Variants in SLC35E1 observed in about 807,000 individuals in gnomAD.
SLC35E1 encodes the protein solute carrier family 35, member E1.
A neutral mutation model predicts 31.0 loss-of-function variants in SLC35E1; 12 were observed. That is an observed-to-expected ratio of 0.39 (90% CI 0.25 to 0.63). The LOEUF (loss-of-function observed/expected upper bound fraction) is 0.63, where lower values mean the gene tolerates loss of function less well. Ranked by LOEUF, SLC35E1 falls within the 20% of genes least tolerant of loss-of-function variation. The pLI is 0.52. For missense variants in SLC35E1, 429 were observed against 572.2 expected, an observed-to-expected ratio of 0.75 and a Z score of 2.55; for synonymous variants, 257 against 264.1, an observed-to-expected ratio of 0.97 and a Z score of 0.26.
intron 4 of SLC35E1, among the ~76,000 whole-genome samples, chr19:16,560,429 A>C (rs147895677): frequency 1.2e-3 from 183 of 152,260 alleles, no homozygotes; most frequent in African/African-American, 4.2e-3. Context: ...TCTGAGGACT[A>C]TATGTCCTCA....
At chr19:16,566,302 A>T in intron 4 of SLC35E1, 1 of 527,498 alleles carries the variant, frequency 1.9e-6, no homozygotes, top group Non-Finnish European at 3.3e-6. Flanking sequence ...CACAGCAGCT[A>T]TCAGCACCTG....
chr19:16,566,247 G>A (rs1224682146), intron 4 of SLC35E1: 2 of 385,384 alleles, frequency 5.2e-6, no homozygotes, highest in African/African-American at 4.1e-5. Context: ...ATACTGTCAG[G>A]AGGTGAAAGA....
At chr19:16,571,905 G>A (rs1279839374) in intron 1 of SLC35E1, 39 bp downstream of exon 1, 1 of 1,523,886 alleles carries the variant, frequency 6.6e-7, no homozygotes, top group Non-Finnish European at 8.8e-7. Flanking sequence ...CGAAGCGGCG[G>A]GCCCGGCCGC....
At position 16,572,403 on chromosome 19, in the gene SLC35E1, C is replaced by T. The variant is rs958613442; in HGVS notation, c.-39G>A. ...CCGCCCCTTCCAGCCCGTCCGACGG[C>T]CCGACGCCGGGCGGGGGCGGGGCTG... On this transcript the variant is annotated 5_prime_UTR_variant, in exon 1 of 6. Transcript: ENST00000595753. The surrounding 1 kb of genome is among the most constrained non-coding windows in gnomAD (Gnocchi z 4.1). 1.9e-3 allele frequency: 1,884 copies of T among 988,680 alleles called. 3 individuals carry two copies. Among genetic ancestry groups the T allele is most frequent in the Non-Finnish European group, 2.1e-3 (1,771 of 831,758 alleles). 61.2% of individuals were successfully genotyped at this position (988,680 alleles called of 1,614,324 possible).
rs1599761377 is a variant in SLC35E1, at chr19:16,553,476, T to C, written c.*203A>G. ...TGAGACACTGGTCTCTGTTTAGGTT[T>C]GCCCAGAGCTCACGGCCGTCTGCAC... On this transcript the variant is annotated 3_prime_UTR_variant, in exon 6 of 6. Transcript: ENST00000595753. The C allele has an allele frequency of 2.4e-6, 1 of 410,598 alleles. No homozygotes were observed. The highest frequency in any genetic ancestry group is 2.0e-5 in the African/African-American group (1 of 49,094). 25.4% of individuals were successfully genotyped at this position (410,598 alleles called of 1,614,324 possible).
At chr19:16,567,637 C>T (rs1478401518) in intron 3 of SLC35E1, among the ~76,000 whole-genome samples, 1 of 152,214 alleles carries the variant, frequency 6.6e-6, no homozygotes, top group Non-Finnish European at 1.5e-5. Context: ...TCTCAGCTCA[C>T]TGCAAGCCCC....
intron 3 of SLC35E1, among the ~76,000 whole-genome samples, chr19:16,567,088 A>G (rs145303714): frequency 1.4e-3 from 210 of 152,372 alleles, no homozygotes; most frequent in African/African-American, 5.0e-3. Context: ...TTGTTTCTAC[A>G]TTACAATGAA....
In SLC35E1 at chr19:16,557,975, G is replaced by A. The variant is rs575796877; in HGVS notation, c.757-2578C>T. Among the ~76,000 whole-genome samples, 26 of 151,648 alleles carry A rather than the reference G, an allele frequency of 1.7e-4. No homozygotes were observed. The South Asian group carries it at 1.9e-3, about 11-fold the overall frequency. On this transcript the variant is annotated intron_variant, in intron 4 of 5. Coordinates refer to ENST00000595753, the MANE Select transcript of SLC35E1 (RefSeq NM_024881.5). ...ACTACAGGCGCCCGCCACCATGCCC[G>A]GCTAATTGTTGTATTTTTAGTAGAG...
chr19:16,570,071 G>T (rs548946926), intron 2 of SLC35E1, among the ~76,000 whole-genome samples: 2 of 152,334 alleles, frequency 1.3e-5, no homozygotes, highest in South Asian at 4.1e-4. Flanking sequence ...CAGGTTCCTA[G>T]AAGTTATGAT....
Position 16,572,031 on chromosome 19 carries a change from C to G in SLC35E1, c.334G>C (p.Val112Leu). Residue 112 changes from valine (V) to leucine (L), a missense_variant, in exon 1 of 6, where the codon GTG (valine) becomes CTG (leucine). By Grantham distance (32) the Val-to-Leu change is conservative (BLOSUM62 1). Transcript: ENST00000595753. This position sits in a 1 kb window ranked among gnomAD's most constrained non-coding sequence, Gnocchi z 4.1. ...LLPPRFYPRY[V>L]LPLAFGKYFA... The stretch of plus-strand genomic sequence containing the variant: ...TACTTGCCGAAGGCGAGCGGTAGCA[C>G]GTAGCGCGGGTAGAAGCGCGGCGGC... The G allele has an allele frequency of 1.3e-6, 2 of 1,543,258 alleles. No individual in the cohort carries two copies. The highest frequency in any genetic ancestry group is 1.2e-5 in the South Asian group (1 of 83,814).
chr19:16,570,305 A>G (rs1188493826), intron 2 of SLC35E1, among the ~76,000 whole-genome samples: 1 of 152,218 alleles, frequency 6.6e-6, no homozygotes, highest in Non-Finnish European at 1.5e-5. Flanking sequence ...AGGGCTACAG[A>G]GCACACACAG....
intron 4 of SLC35E1, among the ~76,000 whole-genome samples, chr19:16,561,439 C>T (rs2085906156): frequency 6.6e-6 from 1 of 152,070 alleles, no homozygotes; most frequent in Admixed American, 6.5e-5. Flanking sequence ...TCACTGGTGG[C>T]TCCAAGGCAC....
chr19:16,563,363 C>T (rs2085916709), intron 4 of SLC35E1, among the ~76,000 whole-genome samples: 1 of 151,860 alleles, frequency 6.6e-6, no homozygotes, highest in South Asian at 2.1e-4. Context: ...AAATAAAAAG[C>T]TACTCTGTGT....
At chr19:16,562,655 G>A (rs367855218) in intron 4 of SLC35E1, among the ~76,000 whole-genome samples, 33 of 151,876 alleles carry the variant, frequency 2.2e-4, no homozygotes, top group East Asian at 1.5e-3. Flanking sequence ...TTTTCAATTC[G>A]CAGTTGGCTG....
intron 4 of SLC35E1, among the ~76,000 whole-genome samples, chr19:16,559,073 C>T (rs1035267003): frequency 5.3e-5 from 8 of 152,072 alleles, no homozygotes; most frequent in African/African-American, 1.9e-4. Flanking sequence ...CAGCCAATCC[C>T]GTGAGTTTTT....
rs2085850354 is a variant in SLC35E1, at chr19:16,552,434, A to C, written c.*1245T>G. The C allele has an allele frequency of 6.6e-6, 1 of 151,664 alleles. No individual in the cohort carries two copies. The highest frequency in any genetic ancestry group is 2.1e-4 in the South Asian group (1 of 4,798). 9.4% of individuals were successfully genotyped at this position (151,664 alleles called of 1,614,324 possible). A position where few individuals can be genotyped will look rare whatever the true frequency, so the allele number is the denominator to read the frequency against. ...ACCACAACTTCTGCCTCCCAGGTTC[A>C]AGCAATTCGCCTGCCTCAGCAGCCT... On this transcript the variant is annotated 3_prime_UTR_variant, in exon 6 of 6. Transcript: ENST00000595753.
chr19:16,566,556 C>T lies in SLC35E1; in HGVS notation c.732G>A (p.Ser244=), dbSNP rs781423945. Residue 244 remains serine (S), a synonymous_variant, in exon 4 of 6, where the codon TCG becomes TCA. Coordinates refer to ENST00000595753, the MANE Select transcript of SLC35E1 (RefSeq NM_024881.5). ...MIPTWVLVDL[S]AFLVSSDLTY... The stretch of plus-strand genomic sequence containing the variant: ...CCAAGTCGCTGCTGACCAGGAAAGC[C>T]GAGAGGTCCACCAGAACCCAGGTGG... The T allele has an allele frequency of 3.7e-5, 59 of 1,612,576 alleles. No individual in the cohort carries two copies. The highest frequency in any genetic ancestry group is 5.5e-5 in the South Asian group (5 of 91,006).
At chr19:16,562,358 G>A (rs1305359687) in intron 4 of SLC35E1, among the ~76,000 whole-genome samples, 2 of 152,218 alleles carry the variant, frequency 1.3e-5, no homozygotes, top group Non-Finnish European at 2.9e-5. Context: ...CTGGGACGAT[G>A]AGATGAAATG....
At chr19:16,556,850 G>A in intron 4 of SLC35E1, 1 of 471,192 alleles carries the variant, frequency 2.1e-6, no homozygotes, top group South Asian at 1.5e-5. Context: ...TCAAATGCAA[G>A]AAGACACGCT....
Sources: gnomAD v4.1 joint callset for allele counts (sites outside exome capture counted in the v4.1 genomes callset) on GRCh38, gnomAD v4.1.1 for gene constraint, Gnocchi (gnomAD v3.1) non-coding constraint, MANE v1.5 for transcripts, NCBI Gene and HGNC (gene_info 2026-07-23, HGNC 2026-07-21) for gene names.